Variants in ARMC6 observed in about 807,000 individuals in gnomAD.
ARMC6 encodes the protein armadillo repeat containing 6, also known as armadillo repeat-containing protein 6.
In ARMC6, 43 loss-of-function variants were observed where a neutral mutation model predicts 49.2. The ratio of observed to expected loss-of-function variants is 0.87; its 90% CI spans 0.69 to 1.13. The LOEUF is 1.13. ARMC6 is among the 50% of genes most tolerant of loss of function. The pLI is 0.00. For missense variants in ARMC6, 627 were observed against 682.0 expected, an observed-to-expected ratio of 0.92 and a Z score of 0.90; for synonymous variants, 262 against 289.6, an observed-to-expected ratio of 0.90 and a Z score of 0.97.
rs2059537779 is a variant in ARMC6 at position 19,055,652 on chromosome 19, C to T, written c.1156-139C>T. Reference sequence around the variant, plus strand: ...GAGCTGAGCTGATATTTTTGTCACCCTGCCATTATTACACAGGAGTTGCCA... The same window carrying T: ...GAGCTGAGCTGATATTTTTGTCACCTTGCCATTATTACACAGGAGTTGCCA... On this transcript the variant is annotated intron_variant, in intron 7 of 8. Transcript: ENST00000535612. This position sits in a 1 kb window ranked among gnomAD's most constrained non-coding sequence, Gnocchi z 5.7. The T allele has an allele frequency of 7.7e-7, 1 of 1,298,780 alleles. No homozygotes were observed. The highest frequency in any genetic ancestry group is 1.0e-6 in the Non-Finnish European group (1 of 954,646). 80.5% of individuals were successfully genotyped at this position (1,298,780 alleles called of 1,614,324 possible).
chr19:19,055,404 C>T lies in ARMC6; in HGVS notation c.1155+8C>T. 1 of 1,592,404 alleles carries T rather than the reference C, an allele frequency of 6.3e-7. No homozygotes were observed. The highest frequency in any genetic ancestry group is 8.5e-7 in the Non-Finnish European group (1 of 1,170,184). On this transcript the variant is annotated splice_region_variant and intron_variant, in intron 7 of 8. Coordinates refer to ENST00000535612, the MANE Select transcript of ARMC6 (RefSeq NM_001199196.2). This position sits in a 1 kb window ranked among gnomAD's most constrained non-coding sequence, Gnocchi z 5.7. ...CATCTGACCAGCCCCCAGGTACCCA[C>T]CTCGGGGGGCACACACAGTAGCAGG... is the stretch of plus-strand genomic sequence containing the variant.
In ARMC6 at chr19:19,033,610, G is replaced by A. The variant is rs1316275874; in HGVS notation, c.-400G>A. The A allele has an allele frequency of 1.7e-6, 2 of 1,174,170 alleles. No individual in the cohort carries two copies. The highest frequency in any genetic ancestry group is 1.6e-5 in the African/African-American group (1 of 61,942). 72.7% of individuals were successfully genotyped at this position (1,174,170 alleles called of 1,614,324 possible). ...GCGCAGGCGCGGGCCGCCGCGGCCC[G>A]GCTCTCTTGCGCAAGCGCGCTGTCC... On this transcript the variant is annotated 5_prime_UTR_variant, in exon 1 of 9. Transcript: ENST00000535612.
At position 19,057,436 on chromosome 19, in the gene ARMC6, C is replaced by A; in HGVS notation, c.1314C>A (p.Ile438=). The change falls in exon 9 of 9, where the codon ATC becomes ATA. Residue 438 remains isoleucine (I), a synonymous_variant. Transcript: ENST00000535612. ...AGVQKQACML[I]RNLVAHGQAF... ...TACAGAAACAGGCTTGCATGCTGAT[C>A]CGAAACCTGGTGGCCCACGGCCAGG... The A allele has an allele frequency of 6.2e-7, 1 of 1,613,404 alleles. No individual in the cohort carries two copies. Among genetic ancestry groups the A allele is most frequent in the Non-Finnish European group, 8.5e-7 (1 of 1,179,984 alleles).
chr19:19,045,493 C>CTTTTTTTTTT lies in ARMC6; in HGVS notation c.279+1421_279+1430dup, dbSNP rs11270900. 1.5e-4 allele frequency among the ~76,000 whole-genome samples: 13 copies of CTTTTTTTTTT among 89,116 alleles called. 4 individuals are homozygous for CTTTTTTTTTT. Among genetic ancestry groups the CTTTTTTTTTT allele is most frequent in the African/African-American group, 1.9e-4 (4 of 20,864 alleles). 58.5% of individuals were successfully genotyped at this position (89,116 alleles called of 152,430 possible). A position where few individuals can be genotyped will look rare whatever the true frequency, so the allele number is the denominator to read the frequency against. Reference sequence around the variant, plus strand: ...TAAGTGCTCAGCATTATGCTAAATTCTTTTTTTTTTTGAGACAAGAGTCTC... The same window carrying CTTTTTTTTTT: ...TAAGTGCTCAGCATTATGCTAAATTCTTTTTTTTTTTTTTTTTTTTTGAGACAAGAGTCTC... On this transcript the variant is annotated intron_variant, in intron 4 of 8. Coordinates refer to ENST00000535612, the MANE Select transcript of ARMC6 (RefSeq NM_001199196.2).
chr19:19,054,123 C>G, intron 5 of ARMC6, 29 bp from the exon 6 acceptor site: 3 of 1,495,290 alleles, frequency 2.0e-6, no homozygotes, highest in Non-Finnish European at 2.7e-6. Flanking sequence ...TCTTCCCGCC[C>G]CCACCACCGT....
chr19:19,036,374 T>G (rs1173711868), intron 2 of ARMC6, among the ~76,000 whole-genome samples: 2 of 152,202 alleles, frequency 1.3e-5, no homozygotes, highest in African/African-American at 4.8e-5. Context: ...ATCTGCATTT[T>G]TACATAAACG....
rs2059289188 is a variant in ARMC6, at chr19:19,033,638, T to G, written c.-372T>G. On this transcript the variant is annotated 5_prime_UTR_variant, in exon 1 of 9. Coordinates refer to ENST00000535612, the MANE Select transcript of ARMC6 (RefSeq NM_001199196.2). ...TCTCTTGCGCAAGCGCGCTGTCCGC[T>G]TCTTCTGGGCGGACGCTCTGGAGGC... 1 of 1,076,322 alleles carries G rather than the reference T, an allele frequency of 9.3e-7. No individual in the cohort carries two copies. Among genetic ancestry groups the G allele is most frequent in the South Asian group, 4.6e-5 (1 of 21,574 alleles). The allele number at this position is 1,076,322 out of a possible 1,614,324, so 66.7% of individuals were successfully genotyped here.
Position 19,055,192 on chromosome 19 carries a change from C to T in ARMC6, c.1024-73C>T, listed in dbSNP as rs545297180. ...TGTTGGTCAAACAGCAAAACAGCCC[C>T]ACATTCTCCCTCAGAGCCCTCTCCC... is the stretch of plus-strand genomic sequence containing the variant. On this transcript the variant is annotated intron_variant, in intron 6 of 8. Coordinates refer to ENST00000535612, the MANE Select transcript of ARMC6 (RefSeq NM_001199196.2). The surrounding 1 kb of genome is among the most constrained non-coding windows in gnomAD (Gnocchi z 5.7). 4.8e-4 allele frequency: 727 copies of T among 1,503,136 alleles called. 5 individuals are homozygous for T. The South Asian group carries it at 9.0e-3, about 19-fold the overall frequency. The allele number at this position is 1,503,136 out of a possible 1,614,324, so 93.1% of individuals were successfully genotyped here. A position where few individuals can be genotyped will look rare whatever the true frequency, so the allele number is the denominator to read the frequency against.
At chr19:19,046,589 G>A (rs1241409193) in intron 4 of ARMC6, among the ~76,000 whole-genome samples, 1 of 151,864 alleles carries the variant, frequency 6.6e-6, no homozygotes, top group African/African-American at 2.4e-5. Context: ...CCTTCTCCCA[G>A]GTTCATGCAA....
chr19:19,055,828 C>T lies in ARMC6; in HGVS notation c.1193C>T (p.Ala398Val), dbSNP rs1453222435. The T allele has an allele frequency of 2.5e-6, 4 of 1,607,030 alleles. No homozygotes were observed. Among genetic ancestry groups the T allele is most frequent in the East Asian group, 4.5e-5 (2 of 44,748 alleles). ...EQSCAALCFLALRKPDNSRII... is the reference protein window; with the variant it reads ...EQSCAALCFLVLRKPDNSRII... ...AGCTGCGCGGCCCTGTGCTTCCTGG[C>T]CCTGCGTAAGCCCGACAACAGCCGC... Residue 398 changes from alanine to valine, a missense_variant, in exon 8 of 9, where the codon GCC (alanine) becomes GTC (valine). Coordinates refer to ENST00000535612, the MANE Select transcript of ARMC6 (RefSeq NM_001199196.2). The surrounding 1 kb of genome is among the most constrained non-coding windows in gnomAD (Gnocchi z 5.7).
chr19:19,037,065 A>G (rs1458732101), intron 2 of ARMC6, among the ~76,000 whole-genome samples: 1 of 152,224 alleles, frequency 6.6e-6, no homozygotes, highest in Non-Finnish European at 1.5e-5. Context: ...GTGGGCCTGT[A>G]GTCTCAGCTA....
At chr19:19,050,033 A>T (rs8104754) in intron 4 of ARMC6, among the ~76,000 whole-genome samples, 113,576 of 151,900 alleles carry the variant, frequency 0.75, 42,570 homozygotes, top group East Asian at 0.89. Flanking sequence ...AAAAAAAAAA[A>T]TTTTTTTTAA....
intron 2 of ARMC6, among the ~76,000 whole-genome samples, chr19:19,042,189 C>T (rs750027197): frequency 1.1e-4 from 17 of 152,184 alleles, no homozygotes; most frequent in African/African-American, 3.6e-4. Flanking sequence ...TGACCCACTG[C>T]GCCCAGCCAG....
chr19:19,041,371 C>T (rs778181605), intron 2 of ARMC6, among the ~76,000 whole-genome samples: 2 of 151,630 alleles, frequency 1.3e-5, no homozygotes, highest in African/African-American at 2.4e-5. Flanking sequence ...TTTTTTGAGA[C>T]GGAATCTTGC....
At chr19:19,047,254 A>T (rs1478424086) in intron 4 of ARMC6, among the ~76,000 whole-genome samples, 1 of 152,190 alleles carries the variant, frequency 6.6e-6, no homozygotes, top group Non-Finnish European at 1.5e-5. Context: ...TGGGGTTTGC[A>T]TCTCAGCGGT....
chr19:19,037,612 C>T (rs765193737), intron 2 of ARMC6: 103 of 1,242,744 alleles, frequency 8.3e-5, no homozygotes, highest in African/African-American at 3.0e-4. Context: ...GTGATCCTTC[C>T]GCCTCGGCCT....
chr19:19,046,489 G>A (rs535707735), intron 4 of ARMC6, among the ~76,000 whole-genome samples: 9 of 151,116 alleles, frequency 6.0e-5, no homozygotes, highest in East Asian at 2.0e-4. Context: ...GAGCCACCAC[G>A]CCCAGCCTAT....
At chr19:19,045,504 T>TTTTTTTTTTTTTTTTTTTA (rs1599639724) in intron 4 of ARMC6, among the ~76,000 whole-genome samples, 4 of 143,456 alleles carry the variant, frequency 2.8e-5, no homozygotes, top group Non-Finnish European at 3.0e-5. Flanking sequence ...TTTTTTTTTT[T>TTTTTTTTTTTTTTTTTTTA]GAGACAAGAG....
intron 8 of ARMC6, among the ~76,000 whole-genome samples, chr19:19,056,562 T>C (rs1418781927): frequency 6.6e-6 from 1 of 152,038 alleles, no homozygotes; most frequent in Non-Finnish European, 1.5e-5. Context: ...GCACCCTTAA[T>C]CTCCTTTTTT....
Sources: gnomAD v4.1 joint callset for allele counts (sites outside exome capture counted in the v4.1 genomes callset) on GRCh38, gnomAD v4.1.1 for gene constraint, Gnocchi (gnomAD v3.1) non-coding constraint, MANE v1.5 for transcripts, NCBI Gene and HGNC (gene_info 2026-07-23, HGNC 2026-07-21) for gene names.